The following DENND1A variants were observed in gnomAD, a reference collection of about 807,000 sequenced individuals.
The protein encoded by DENND1A is DENN domain-containing protein 1A.
DENND1A carries 51 observed loss-of-function variants against 113.7 expected under a neutral mutation model. The ratio of observed to expected loss-of-function variants is 0.45; its 90% CI spans 0.36 to 0.57. The LOEUF is 0.57. Among genes scored for constraint, DENND1A ranks in the 20% least tolerant of loss-of-function variants. The pLI is 0.00. For synonymous variants in DENND1A, 565 were observed against 570.8 expected (o/e 0.99, Z 0.14); for missense variants, 1,258 against 1,395.9 (o/e 0.90, Z 1.57).
At chr9:123,675,080 T>C (rs2063991015) in intron 6 of DENND1A, among the ~76,000 whole-genome samples, 1 of 152,170 alleles carries the variant, frequency 6.6e-6, no homozygotes, top group Admixed American at 6.5e-5. Context: ...TACGACAGAA[T>C]CCCCTGACAT....
At chr9:123,788,983 A>C (rs1273955879) in intron 3 of DENND1A, among the ~76,000 whole-genome samples, 1 of 152,044 alleles carries the variant, frequency 6.6e-6, no homozygotes, top group Non-Finnish European at 1.5e-5. Context: ...TTGATGTTTT[A>C]GTATTTAAAC....
intron 1 of DENND1A, among the ~76,000 whole-genome samples, chr9:123,891,471 T>G (rs1239395609): frequency 2.6e-5 from 4 of 152,226 alleles, no homozygotes; most frequent in Non-Finnish European, 4.4e-5. Context: ...AAAAGTGATT[T>G]TGATAATCTA....
chr9:123,694,374 G>A (rs893050451), intron 5 of DENND1A, among the ~76,000 whole-genome samples: 1 of 152,150 alleles, frequency 6.6e-6, no homozygotes, highest in African/African-American at 2.4e-5. Flanking sequence ...CCAACCAGGT[G>A]AGGCAAAGAA....
At chr9:123,499,010 A>G (rs1169869614) in intron 13 of DENND1A, among the ~76,000 whole-genome samples, 1 of 151,944 alleles carries the variant, frequency 6.6e-6, no homozygotes, top group Non-Finnish European at 1.5e-5. Flanking sequence ...GGCATGAGCC[A>G]CTGTGCCCCG....
intron 1 of DENND1A, among the ~76,000 whole-genome samples, chr9:123,908,542 T>C (rs1183863757): frequency 1.4e-5 from 2 of 145,428 alleles, no homozygotes; most frequent in South Asian, 2.3e-4. Context: ...GCGAAGGACA[T>C]GAACAGACAC....
chr9:123,856,208 G>T (rs1429258844), intron 2 of DENND1A, among the ~76,000 whole-genome samples: 1 of 152,134 alleles, frequency 6.6e-6, no homozygotes, highest in Non-Finnish European at 1.5e-5. Context: ...TTAAGTCGAG[G>T]TACACGTCCA....
intron 13 of DENND1A, among the ~76,000 whole-genome samples, chr9:123,500,384 G>A (rs1385036482): frequency 6.6e-6 from 1 of 152,134 alleles, no homozygotes; most frequent in Non-Finnish European, 1.5e-5. Flanking sequence ...AGGCAACAAG[G>A]GTACCGATTT....
At chr9:123,788,065 G>C (rs1349238968) in intron 3 of DENND1A, among the ~76,000 whole-genome samples, 1 of 152,084 alleles carries the variant, frequency 6.6e-6, no homozygotes, top group African/African-American at 2.4e-5. Flanking sequence ...TCAAAGTGTG[G>C]ATGAGCACAC....
chr9:123,463,241 C>T (rs1476754805), intron 13 of DENND1A, among the ~76,000 whole-genome samples: 1 of 152,172 alleles, frequency 6.6e-6, no homozygotes, highest in Non-Finnish European at 1.5e-5. Flanking sequence ...AGCTGCTTAA[C>T]CCTGTCGAGA....
intron 13 of DENND1A, among the ~76,000 whole-genome samples, chr9:123,466,442 G>A (rs893977211): frequency 3.9e-5 from 6 of 152,136 alleles, no homozygotes; most frequent in African/African-American, 1.4e-4. Context: ...TGGGATTACA[G>A]GCACCTGCCA....
intron 2 of DENND1A, among the ~76,000 whole-genome samples, chr9:123,795,755 G>A (rs996607411): frequency 8.6e-5 from 13 of 152,030 alleles, no homozygotes; most frequent in African/African-American, 2.9e-4. Context: ...AATTGCTAAC[G>A]TTCCAAAACA....
At chr9:123,707,952 G>A (rs1056482758) in intron 5 of DENND1A, among the ~76,000 whole-genome samples, 4 of 152,172 alleles carry the variant, frequency 2.6e-5, no homozygotes, top group African/African-American at 4.8e-5. Flanking sequence ...TTGAGTAGAC[G>A]AAAGGGGATG....
intron 8 of DENND1A, among the ~76,000 whole-genome samples, chr9:123,666,469 C>T (rs1350135889): frequency 6.6e-6 from 1 of 152,146 alleles, no homozygotes; most frequent in Non-Finnish European, 1.5e-5. Flanking sequence ...TTATTTTATT[C>T]TCTGAAAGGT....
At chr9:123,729,757 A>T (rs1316111674) in intron 5 of DENND1A, among the ~76,000 whole-genome samples, 1 of 152,208 alleles carries the variant, frequency 6.6e-6, no homozygotes, top group Admixed American at 6.5e-5. Context: ...AGAAAAAACT[A>T]CTTTAAATTT....
At chr9:123,799,074 T>C (rs997270255) in intron 2 of DENND1A, among the ~76,000 whole-genome samples, 1 of 152,188 alleles carries the variant, frequency 6.6e-6, no homozygotes, top group African/African-American at 2.4e-5. Context: ...GTGCCCTTTA[T>C]GTATTACAAA....
At chr9:123,408,941 G>A (rs1218763410) in intron 20 of DENND1A, among the ~76,000 whole-genome samples, 1 of 152,212 alleles carries the variant, frequency 6.6e-6, no homozygotes, top group African/African-American at 2.4e-5. Context: ...CCTCGAAGGG[G>A]AATTCTGAGA....
intron 2 of DENND1A, among the ~76,000 whole-genome samples, chr9:123,835,143 A>G (rs73666301): frequency 0.012 from 1,763 of 151,800 alleles, 36 homozygotes; most frequent in African/African-American, 0.041. Context: ...TGTCTCTTCT[A>G]TTATACTCGG....
At position 123,422,508 on chromosome 9, in the gene DENND1A, G is replaced by GTTTTT. The variant is rs57945902; in HGVS notation, c.1489-10684_1489-10680dup. Among the ~76,000 whole-genome samples the GTTTTT allele has an allele frequency of 6.8e-6, 1 of 146,236 alleles. No individual in the cohort carries two copies. On this transcript the variant is annotated intron_variant, in intron 19 of 23. Transcript: ENST00000394215. The surrounding 1 kb of genome is among the most constrained non-coding windows in gnomAD (Gnocchi z 4.8). ...GATAGTCAGGTTCACCAGACAGAAG[G>GTTTTT]TTTTTTTTTTTTTTCCTTCCCTCAG...
Position 123,382,443 on chromosome 9 carries a change from C to G in DENND1A, c.2202G>C (p.Arg734Ser). 1 of 1,610,998 alleles carries G rather than the reference C, an allele frequency of 6.2e-7. No homozygotes were observed. Residue 734 changes from arginine to serine, a missense_variant, in exon 24 of 24, where the codon AGG becomes AGC. Arg to Ser is a moderately radical substitution (Grantham distance 110, BLOSUM62 -1). Coordinates refer to ENST00000394215, the MANE Select transcript of DENND1A (RefSeq NM_001352964.2). ...TCAGGATGCTGTCCCGGTTCTGGGG[C>G]CTTCGAGGCAGGGCCAGGGAGTTTC... ...LLGNSLALPR[R>S]PQNRDSILNP...
Sources: allele counts gnomAD v4.1 joint callset (sites outside exome capture counted in the v4.1 genomes callset), GRCh38; gene constraint gnomAD v4.1.1; non-coding constraint Gnocchi (gnomAD v3.1); transcripts MANE v1.5; gene names NCBI Gene and HGNC (gene_info 2026-07-23, HGNC 2026-07-21).